The following GNB4 variants were observed in gnomAD, a reference collection of about 807,000 sequenced individuals.
GNB4 encodes the protein guanine nucleotide-binding protein subunit beta-4.
Under a neutral mutation model 45.2 loss-of-function variants are expected in GNB4, and 28 were observed. The ratio of observed to expected loss-of-function variants is 0.62; its 90% CI spans 0.46 to 0.85. The LOEUF is 0.85. Ranked by LOEUF, GNB4 falls within the 40% of genes least tolerant of loss-of-function variation. The pLI, the probability that GNB4 is intolerant of heterozygous loss-of-function variation, is 0.00. For synonymous variants in GNB4, 132 were observed against 143.7 expected (o/e 0.92, Z 0.58); for missense variants, 321 against 425.4 (o/e 0.75, Z 2.16).
At chr3:179,403,851 A>C (rs1714383901) in intron 9 of GNB4, among the ~76,000 whole-genome samples, 1 of 152,036 alleles carries the variant, frequency 6.6e-6, no homozygotes, top group Non-Finnish European at 1.5e-5. Flanking sequence ...TTCTTAAAAA[A>C]CAAAAAAAGT....
the GNB4 span, among the ~76,000 whole-genome samples, chr3:179,456,573 T>A: frequency 7.9e-5 from 12 of 152,226 alleles, no homozygotes; most frequent in Non-Finnish European, 1.8e-4. Context: ...TTAAAACTTA[T>A]ACTGTAAAAT....
At chr3:179,434,057 G>C (rs912325788) in intron 1 of GNB4, among the ~76,000 whole-genome samples, 13 of 152,168 alleles carry the variant, frequency 8.5e-5, no homozygotes, top group African/African-American at 3.1e-4. Flanking sequence ...AAGCAATTTG[G>C]CAACATCTAA....
chr3:179,476,883 T>G, the GNB4 span, among the ~76,000 whole-genome samples: 1 of 152,160 alleles, frequency 6.6e-6, no homozygotes, highest in Non-Finnish European at 1.5e-5. Context: ...GTTCTAATTC[T>G]CTTTTAATTA....
the GNB4 span, among the ~76,000 whole-genome samples, chr3:179,476,920 T>C: frequency 4.6e-5 from 7 of 152,280 alleles, no homozygotes; most frequent in African/African-American, 1.7e-4. Flanking sequence ...GTCTTTTCTC[T>C]TCTCTTGCAC....
chr3:179,513,189 ATTTT>A, the GNB4 span, among the ~76,000 whole-genome samples: 2 of 123,316 alleles, frequency 1.6e-5, no homozygotes, highest in South Asian at 2.6e-4. Flanking sequence ...ATGTGCAGCA[ATTTT>A]TTTTTTTTTT....
chr3:179,440,434 A>G (rs576451781), intron 1 of GNB4, among the ~76,000 whole-genome samples: 10 of 152,236 alleles, frequency 6.6e-5, no homozygotes, highest in Non-Finnish European at 1.5e-4. Context: ...ATGAGAAAAT[A>G]CCAAGAAAAT....
At chr3:179,404,795 G>A (rs1211679735) in intron 9 of GNB4, among the ~76,000 whole-genome samples, 1 of 152,122 alleles carries the variant, frequency 6.6e-6, no homozygotes, top group African/African-American at 2.4e-5. Context: ...TCAGGGTATG[G>A]GGCTAAGGGA....
At chr3:179,463,700 C>T in the GNB4 span, among the ~76,000 whole-genome samples, 6 of 152,206 alleles carry the variant, frequency 3.9e-5, no homozygotes, top group African/African-American at 1.2e-4. Flanking sequence ...TGAGGAGCTG[C>T]AGCTGACTAT....
intron 9 of GNB4, among the ~76,000 whole-genome samples, chr3:179,404,813 G>C (rs1206522771): frequency 5.3e-5 from 8 of 152,078 alleles, no homozygotes; most frequent in Middle Eastern, 3.2e-3. Context: ...GGAAGCGACA[G>C]GTCTATGTCC....
chr3:179,526,739 T>C, the GNB4 span, among the ~76,000 whole-genome samples: 1 of 152,184 alleles, frequency 6.6e-6, no homozygotes, highest in Non-Finnish European at 1.5e-5. Flanking sequence ...AGTCTGGTTG[T>C]ATAAACTCTG....
At chr3:179,460,975 G>A in the GNB4 span, among the ~76,000 whole-genome samples, 1 of 152,162 alleles carries the variant, frequency 6.6e-6, no homozygotes, top group African/African-American at 2.4e-5. Flanking sequence ...CATCGACTCA[G>A]GCACAAGGAA....
At chr3:179,425,088 C>G (rs1715103824) in intron 2 of GNB4, among the ~76,000 whole-genome samples, 1 of 152,216 alleles carries the variant, frequency 6.6e-6, no homozygotes. Flanking sequence ...ACTCACAACT[C>G]AAAGCCTCTT....
chr3:179,469,921 A>C, the GNB4 span, among the ~76,000 whole-genome samples: 1 of 152,226 alleles, frequency 6.6e-6, no homozygotes, highest in Non-Finnish European at 1.5e-5. Flanking sequence ...CAAGGAACTC[A>C]GTCTTACGCA....
the GNB4 span, among the ~76,000 whole-genome samples, chr3:179,482,254 A>G: frequency 1.3e-5 from 2 of 152,204 alleles, no homozygotes; most frequent in African/African-American, 4.8e-5. Context: ...CTGTGAAATT[A>G]TGGTTCCCTA....
the GNB4 span, among the ~76,000 whole-genome samples, chr3:179,475,541 C>T: frequency 5.3e-5 from 8 of 152,158 alleles, no homozygotes; most frequent in African/African-American, 1.4e-4. Flanking sequence ...GGCGAGATCT[C>T]GGCTCACTGC....
the GNB4 span, among the ~76,000 whole-genome samples, chr3:179,476,438 C>T: frequency 1.3e-4 from 20 of 152,324 alleles, no homozygotes; most frequent in East Asian, 3.7e-3. Context: ...CTTGTTCCTG[C>T]AGCTCTCCCA....
At chr3:179,455,487 G>A (rs923534782), upstream of GNB4, among the ~76,000 whole-genome samples, 13 of 152,178 alleles carry the variant, frequency 8.5e-5, no homozygotes, top group African/African-American at 3.1e-4. Flanking sequence ...TAATACGATT[G>A]ACAAATAGAC....
At chr3:179,406,387 C>T (rs1480396722) in intron 8 of GNB4, among the ~76,000 whole-genome samples, 1 of 152,204 alleles carries the variant, frequency 6.6e-6, no homozygotes, top group East Asian at 1.9e-4. Flanking sequence ...CTCCCCACAT[C>T]ATGACTATGA....
chr3:179,461,578 G>A, the GNB4 span, among the ~76,000 whole-genome samples: 1 of 152,052 alleles, frequency 6.6e-6, no homozygotes, highest in Admixed American at 6.6e-5. Context: ...TAATTGTTTG[G>A]GTCTACATAT....
Sources: gnomAD v4.1 joint callset for allele counts (sites outside exome capture counted in the v4.1 genomes callset) on GRCh38, gnomAD v4.1.1 for gene constraint, MANE v1.5 for transcripts, NCBI Gene and HGNC (gene_info 2026-07-23, HGNC 2026-07-21) for gene names.